DNER: variants seen among roughly 807,000 people sequenced by gnomAD.
DNER encodes delta/notch like EGF repeat containing.
DNER carries 33 observed loss-of-function variants against 78.2 expected under a neutral mutation model. The ratio of observed to expected loss-of-function variants is 0.42; its 90% CI spans 0.32 to 0.56. The LOEUF is 0.56. Ranked by LOEUF, DNER falls within the 20% of genes least tolerant of loss-of-function variation. The pLI, the probability that DNER is intolerant of heterozygous loss-of-function variation, is 0.11. For missense variants in DNER, 918 were observed against 975.3 expected (o/e 0.94, Z 0.78); for synonymous variants, 417 against 384.8 (o/e 1.08, Z -0.98).
At chr2:229,487,760 G>A (rs1009447563) in intron 6 of DNER, among the ~76,000 whole-genome samples, 9 of 152,210 alleles carry the variant, frequency 5.9e-5, no homozygotes, top group African/African-American at 2.2e-4. Context: ...TTCAGGAACA[G>A]TTCTTACCTT....
intron 7 of DNER, among the ~76,000 whole-genome samples, chr2:229,456,976 T>TCAC (rs1694588700): frequency 6.6e-6 from 1 of 151,814 alleles, no homozygotes; most frequent in Admixed American, 6.6e-5. Context: ...AGATGACTTG[T>TCAC]CACCAAGATC....
chr2:229,421,694 A>G (rs1005619394), intron 8 of DNER, among the ~76,000 whole-genome samples: 2 of 151,660 alleles, frequency 1.3e-5, no homozygotes, highest in Non-Finnish European at 2.9e-5. Flanking sequence ...ATATATACAT[A>G]TATATCCATG....
intron 1 of DNER, 144 bp from the exon 2 acceptor site, chr2:229,592,032 TGTGGG>T: frequency 1.7e-6 from 2 of 1,152,856 alleles, no homozygotes; most frequent in Non-Finnish European, 1.2e-6. Context: ...CTTGTGCTGT[TGTGGG>T]GTGGGGTGTA....
chr2:229,361,315 C>G (rs1692205143), intron 12 of DNER, among the ~76,000 whole-genome samples: 1 of 151,526 alleles, frequency 6.6e-6, no homozygotes, highest in South Asian at 2.1e-4. Context: ...AAAATAACTA[C>G]TACTTTTTAT....
intron 4 of DNER, among the ~76,000 whole-genome samples, chr2:229,549,897 T>G (rs1696698729): frequency 6.6e-6 from 1 of 150,782 alleles, no homozygotes; most frequent in African/African-American, 2.4e-5. Context: ...GGTGACAGAG[T>G]GAGACTCTGT....
intron 6 of DNER, among the ~76,000 whole-genome samples, chr2:229,499,272 C>T (rs1204485151): frequency 6.6e-6 from 1 of 151,812 alleles, no homozygotes; most frequent in East Asian, 1.9e-4. Context: ...ATGGTGAAAT[C>T]CTGTCTCTAA....
At chr2:229,551,553 G>A (rs1429005212) in intron 4 of DNER, among the ~76,000 whole-genome samples, 1 of 152,150 alleles carries the variant, frequency 6.6e-6, no homozygotes, top group African/African-American at 2.4e-5. Context: ...AGAATCACTT[G>A]AACGCAGGAG....
chr2:229,645,218 G>C (rs1197246460), intron 1 of DNER, among the ~76,000 whole-genome samples: 1 of 151,970 alleles, frequency 6.6e-6, no homozygotes, highest in Non-Finnish European at 1.5e-5. Context: ...TGTTGCTCAG[G>C]CTAGTCTCAA....
chr2:229,491,600 C>G (rs191824826), intron 6 of DNER, among the ~76,000 whole-genome samples: 2 of 152,336 alleles, frequency 1.3e-5, no homozygotes, highest in African/African-American at 4.8e-5. Context: ...TTTATTCAGT[C>G]TCTTCACAAA....
At chr2:229,421,638 T>G (rs561731670) in intron 8 of DNER, among the ~76,000 whole-genome samples, 6,246 of 21,066 alleles carry the variant, frequency 0.3, 481 homozygotes, top group African/African-American at 0.46. Flanking sequence ...AATATATATA[T>G]ATATATAGAG....
chr2:229,503,006 T>C lies in DNER; in HGVS notation c.1147+9777A>G, dbSNP rs559446166. ...AGTGCACTGGTAATAACAACTATAA[T>C]TTTTTCTTTCTTTCCCAAGTTACCC... On this transcript the variant is annotated intron_variant, in intron 6 of 12. Coordinates refer to ENST00000341772, the MANE Select transcript of DNER (RefSeq NM_139072.4). 1.2e-4 allele frequency among the ~76,000 whole-genome samples: 18 copies of C among 152,328 alleles called. 1 individual carries two copies. The highest frequency in any genetic ancestry group is 3.8e-4 in the African/African-American group (16 of 41,580).
intron 1 of DNER, among the ~76,000 whole-genome samples, chr2:229,608,412 C>T (rs906035220): frequency 2.0e-5 from 3 of 152,226 alleles, no homozygotes; most frequent in Non-Finnish European, 2.9e-5. Context: ...TGAAAGTTTG[C>T]TCATTCCTGC....
intron 8 of DNER, among the ~76,000 whole-genome samples, chr2:229,446,963 T>C (rs555202729): frequency 6.6e-4 from 101 of 152,328 alleles, no homozygotes; most frequent in African/African-American, 2.4e-3. Flanking sequence ...AGTTCTGCAG[T>C]GACTTACAGT....
At chr2:229,585,660 CA>C (rs1553541555) in intron 4 of DNER, among the ~76,000 whole-genome samples, 197 bp downstream of exon 4, 2,664 of 134,076 alleles carry the variant, frequency 0.02, 63 homozygotes, top group African/African-American at 0.061. Flanking sequence ...ACTCCATCAT[CA>C]AAAAAAAAAA....
intron 1 of DNER, among the ~76,000 whole-genome samples, chr2:229,625,750 C>G (rs138378065): frequency 6.6e-6 from 1 of 152,066 alleles, no homozygotes; most frequent in African/African-American, 2.4e-5. Flanking sequence ...AACCACTTAC[C>G]GTGAGCCTTG....
intron 1 of DNER, among the ~76,000 whole-genome samples, chr2:229,638,107 A>T (rs1016475767): frequency 6.6e-6 from 1 of 152,216 alleles, no homozygotes; most frequent in African/African-American, 2.4e-5. Context: ...GGAAAAAATT[A>T]CAGTGGTTTA....
At chr2:229,476,298 T>G (rs760042361) in intron 7 of DNER, among the ~76,000 whole-genome samples, 27 of 152,112 alleles carry the variant, frequency 1.8e-4, no homozygotes, top group Non-Finnish European at 3.7e-4. Flanking sequence ...CCCAAGCACT[T>G]CCGTTATCTG....
intron 10 of DNER, among the ~76,000 whole-genome samples, chr2:229,390,355 C>T (rs1216886421): frequency 6.6e-6 from 1 of 152,234 alleles, no homozygotes; most frequent in East Asian, 1.9e-4. Flanking sequence ...ATTTCCTAAA[C>T]TCTATGCAGT....
chr2:229,500,461 A>G (rs1695595538), intron 6 of DNER, among the ~76,000 whole-genome samples: 1 of 152,180 alleles, frequency 6.6e-6, no homozygotes. Context: ...AACTATTATG[A>G]AAAACAGTAT....
Sources: gnomAD v4.1 joint callset for allele counts (sites outside exome capture counted in the v4.1 genomes callset) on GRCh38, gnomAD v4.1.1 for gene constraint, MANE v1.5 for transcripts, NCBI Gene and HGNC (gene_info 2026-07-23, HGNC 2026-07-21) for gene names.